Variants in ANKRD12 observed in about 807,000 individuals in gnomAD.
The protein encoded by ANKRD12 is ankyrin repeat domain-containing protein 12.
In ANKRD12, 85 loss-of-function variants were observed where a neutral mutation model predicts 183.4. The observed-to-expected ratio is 0.46, with a 90% CI of 0.39 to 0.56. ANKRD12 has a LOEUF of 0.56. ANKRD12 is among the 20% of genes least tolerant of loss of function. The pLI is 0.00. For synonymous variants in ANKRD12, 914 were observed against 800.2 expected (o/e 1.14, Z -2.40); for missense variants, 2,405 against 2,357.1 (o/e 1.02, Z -0.42).
At chr18:9,214,524 A>G (rs1019910997) in intron 6 of ANKRD12, among the ~76,000 whole-genome samples, 4 of 152,132 alleles carry the variant, frequency 2.6e-5, no homozygotes, top group South Asian at 2.1e-4. Context: ...GTTGCATGCC[A>G]CAGTGAAATG....
At chr18:9,152,431 C>T (rs898981027) in intron 1 of ANKRD12, among the ~76,000 whole-genome samples, 3 of 152,108 alleles carry the variant, frequency 2.0e-5, no homozygotes, top group African/African-American at 4.8e-5. Context: ...ATAAATAGGT[C>T]CTTAAAAAAC....
chr18:9,182,357 A>G (rs557800615), intron 1 of ANKRD12, 25 bp from the exon 2 acceptor site: 157 of 933,364 alleles, frequency 1.7e-4, no homozygotes, highest in Admixed American at 9.4e-4. Flanking sequence ...TATTCAAATA[A>G]CCCTTATATA....
In ANKRD12 at chr18:9,182,400, G is replaced by A; in HGVS notation, c.-33G>A. The A allele has an allele frequency of 7.0e-7, 1 of 1,438,350 alleles. No homozygotes were observed. Among genetic ancestry groups the A allele is most frequent in the Non-Finnish European group, 9.7e-7 (1 of 1,030,290 alleles). The allele number at this position is 1,438,350 out of a possible 1,614,324, so 89.1% of individuals were successfully genotyped here. A position where few individuals can be genotyped will look rare whatever the true frequency, so the allele number is the denominator to read the frequency against. The stretch of plus-strand genomic sequence containing the variant: ...TTTACAGATCCAGGATGAGAAGACT[G>A]ATAAAAGAAGAAGCTAGCTGAACAG... On this transcript the variant is annotated 5_prime_UTR_variant, in exon 2 of 13. Transcript: ENST00000262126.
intron 2 of ANKRD12, among the ~76,000 whole-genome samples, chr18:9,185,467 A>G (rs2033985012): frequency 2.0e-5 from 3 of 152,208 alleles, no homozygotes; most frequent in African/African-American, 7.2e-5. Flanking sequence ...CATTTCCTGA[A>G]AGGAAATTCA....
intron 8 of ANKRD12, among the ~76,000 whole-genome samples, chr18:9,227,515 A>G (rs2036790409): frequency 6.6e-6 from 1 of 152,182 alleles, no homozygotes; most frequent in Non-Finnish European, 1.5e-5. Flanking sequence ...GCTATCAAAG[A>G]CTAATATAAG....
chr18:9,250,708 C>A lies in ANKRD12; in HGVS notation c.944-3503C>A, dbSNP rs150512131. Among the ~76,000 whole-genome samples the A allele has an allele frequency of 1.9e-3, 293 of 152,198 alleles. 2 individuals are homozygous for A. Among genetic ancestry groups the A allele is most frequent in the African/African-American group, 6.8e-3 (284 of 41,522 alleles). Reference sequence around the variant, plus strand: ...TTCCAGCCTGGGCAACAGAACAAGACCCTGTCTCTCAAAAAAACAAGAGAC... The same window carrying A: ...TTCCAGCCTGGGCAACAGAACAAGAACCTGTCTCTCAAAAAAACAAGAGAC... On this transcript the variant is annotated intron_variant, in intron 8 of 12. Coordinates refer to ENST00000262126, the MANE Select transcript of ANKRD12 (RefSeq NM_015208.5).
intron 8 of ANKRD12, among the ~76,000 whole-genome samples, chr18:9,224,418 T>A (rs1203705980): frequency 6.6e-6 from 1 of 151,904 alleles, no homozygotes; most frequent in Non-Finnish European, 1.5e-5. Context: ...CTTTTTTTTT[T>A]AAGCCAGCAA....
At chr18:9,265,812 C>G (rs2039255517) in intron 10 of ANKRD12, among the ~76,000 whole-genome samples, 1 of 152,142 alleles carries the variant, frequency 6.6e-6, no homozygotes, top group Admixed American at 6.5e-5. Context: ...TTCAGATGAT[C>G]AAACTACTCC....
chr18:9,239,461 T>C (rs1362897756), intron 8 of ANKRD12: 1 of 1,196,104 alleles, frequency 8.4e-7, no homozygotes, highest in Non-Finnish European at 1.1e-6. Context: ...TCATCAGCTA[T>C]GTATTGATTT....
Position 9,255,763 on chromosome 18 carries a change from C to T in ANKRD12, c.2496C>T (p.Asp832=), listed in dbSNP as rs1456209379. 3 of 1,578,668 alleles carry T rather than the reference C, an allele frequency of 1.9e-6. No individual in the cohort carries two copies. Among genetic ancestry groups the T allele is most frequent in the Non-Finnish European group, 1.7e-6 (2 of 1,170,222 alleles). The change falls in exon 9 of 13, where the codon GAC becomes GAT. Residue 832 remains aspartate, a synonymous_variant. Transcript: ENST00000262126. ...AGCGATCTCAAATTAAAGAAAAGGA[C>T]ATTGAGAAGATGGAAAGAAAAACCT... ...PEKRSQIKEK[D]IEKMERKTFE...
At chr18:9,273,500 A>T (rs1468971904) in intron 10 of ANKRD12, among the ~76,000 whole-genome samples, 2 of 152,212 alleles carry the variant, frequency 1.3e-5, no homozygotes, top group African/African-American at 4.8e-5. Context: ...GCTGGTGAGG[A>T]TGTGAAGAAA....
chr18:9,258,722 T>A lies in ANKRD12; in HGVS notation c.5455T>A (p.Ser1819Thr), dbSNP rs749973385. The change falls in exon 9 of 13, where the codon TCT (serine) becomes ACT (threonine). Residue 1819 changes from serine (S) to threonine (T), a missense_variant. Physicochemically the swap from Ser to Thr is moderately conservative, Grantham distance 58. Around this residue, in one of 7 missense-constraint regions of ANKRD12, gnomAD observed 1,983 missense variants for 1,725.9 expected, o/e 1.15. Transcript: ENST00000262126. ...GCAATCTCTGGCAGCCATTGTAGAT[T>A]CTCTAAAACTAGATGAGATTCAGCC... ...TQQSLAAIVDSLKLDEIQPYS... is the reference protein window; with the variant it reads ...TQQSLAAIVDTLKLDEIQPYS... 1 of 1,613,852 alleles carries A rather than the reference T, an allele frequency of 6.2e-7. No homozygotes were observed. The highest frequency in any genetic ancestry group is 8.5e-7 in the Non-Finnish European group (1 of 1,179,884).
At chr18:9,209,284 A>G (rs941370296) in intron 5 of ANKRD12, among the ~76,000 whole-genome samples, 1 of 152,340 alleles carries the variant, frequency 6.6e-6, no homozygotes, top group South Asian at 2.1e-4. Flanking sequence ...AATCCAGGCA[A>G]CTGGCCTGAG....
At chr18:9,265,786 G>A (rs965388466) in intron 10 of ANKRD12, among the ~76,000 whole-genome samples, 1 of 152,198 alleles carries the variant, frequency 6.6e-6, no homozygotes, top group African/African-American at 2.4e-5. Context: ...ACTTTTACGA[G>A]TTAAGAGAAG....
In ANKRD12 at chr18:9,182,476, C is replaced by G. The variant is rs1246361049; in HGVS notation, c.44C>G (p.Ser15Cys). ...ACAAAACCAATTCAGAGTGAAAATT[C>G]TGACAGTGACAGCAATATGGTAGAG... ...GFTKPIQSENSDSDSNMVEKP... is the reference protein window; with the variant it reads ...GFTKPIQSENCDSDSNMVEKP... Residue 15 changes from serine to cysteine, a missense_variant, in exon 2 of 13, where the codon TCT becomes TGT. Ser to Cys is a moderately radical substitution (Grantham distance 112). This residue lies in a region of ANKRD12 where 145 missense variants were observed against 145.6 expected (regional missense o/e 1.00). Coordinates refer to ENST00000262126, the MANE Select transcript of ANKRD12 (RefSeq NM_015208.5). 1.9e-6 allele frequency: 3 copies of G among 1,611,208 alleles called. No individual in the cohort carries two copies. In the South Asian group the frequency reaches 3.3e-5, roughly 18 times the overall value.
At chr18:9,167,349 G>A (rs533754035) in intron 1 of ANKRD12, among the ~76,000 whole-genome samples, 12 of 152,322 alleles carry the variant, frequency 7.9e-5, no homozygotes, top group African/African-American at 2.9e-4. Flanking sequence ...CTACCCATGA[G>A]CATGGAATGT....
rs1473791069 is a variant in ANKRD12 at position 9,281,103 on chromosome 18, G to A, written c.6166G>A (p.Asp2056Asn). The A allele has an allele frequency of 3.7e-6, 6 of 1,613,772 alleles. No individual in the cohort carries two copies. Among genetic ancestry groups the A allele is most frequent in the Non-Finnish European group, 3.4e-6 (4 of 1,179,900 alleles). The change falls in exon 13 of 13, where the codon GAC (aspartate) becomes AAC (asparagine). Residue 2056 changes from aspartate (D) to asparagine (N), a missense_variant. This residue lies in a region of ANKRD12 where 162 missense variants were observed against 272.2 expected (regional missense o/e 0.60). Transcript: ENST00000262126. Reference protein sequence around the residue: ...FYVPLVDVNDDFELTPI With the variant: ...FYVPLVDVNDNFELTPI ...TGTTCCCCTTGTTGATGTTAACGAC[G>A]ACTTTGAATTGACTCCTATATAGCA...
chr18:9,173,440 T>C (rs1249143003), intron 1 of ANKRD12, among the ~76,000 whole-genome samples: 3 of 152,190 alleles, frequency 2.0e-5, no homozygotes, highest in Non-Finnish European at 4.4e-5. Context: ...TTTCTGTTTT[T>C]CTTTTAACAG....
At chr18:9,208,988 C>T (rs1246692929) in intron 5 of ANKRD12, among the ~76,000 whole-genome samples, 185 bp downstream of exon 5, 1 of 152,108 alleles carries the variant, frequency 6.6e-6, no homozygotes, top group Non-Finnish European at 1.5e-5. Context: ...GTATCCTCTG[C>T]TAAAGTAGAA....
Sources: gnomAD v4.1 joint callset for allele counts (sites outside exome capture counted in the v4.1 genomes callset) on GRCh38, gnomAD v4.1.1 for gene constraint, gnomAD v4.1.1 regional missense constraint, MANE v1.5 for transcripts, NCBI Gene and HGNC (gene_info 2026-07-23, HGNC 2026-07-21) for gene names.